The following SMCHD1 variants were observed in gnomAD, a reference collection of about 807,000 sequenced individuals.
SMCHD1 encodes the protein structural maintenance of chromosomes flexible hinge domain-containing protein 1.
A neutral mutation model predicts 254.7 loss-of-function variants in SMCHD1; 78 were observed. The observed-to-expected ratio is 0.31, with a 90% CI of 0.26 to 0.37. SMCHD1 has a LOEUF of 0.37. SMCHD1 is among the 10% of genes least tolerant of loss of function. SMCHD1 has a pLI of 1.00. For synonymous variants in SMCHD1, 766 were observed against 794.9 expected (o/e 0.96, Z 0.61); for missense variants, 1,840 against 2,408.1 (o/e 0.76, Z 4.94).
At chr18:2,723,491 A>G (rs2074967982) in intron 20 of SMCHD1, among the ~76,000 whole-genome samples, 1 of 151,970 alleles carries the variant, frequency 6.6e-6, no homozygotes, top group African/African-American at 2.4e-5. Flanking sequence ...TGTTGTCAGT[A>G]TTTTTAGGTC....
chr18:2,743,284 T>G (rs1358389601), intron 28 of SMCHD1, among the ~76,000 whole-genome samples: 1 of 152,044 alleles, frequency 6.6e-6, no homozygotes, highest in Non-Finnish European at 1.5e-5. Flanking sequence ...GAACATGCAA[T>G]AGATAAGAAA....
intron 5 of SMCHD1, among the ~76,000 whole-genome samples, chr18:2,680,604 C>T (rs1013371751): frequency 2.6e-5 from 4 of 152,162 alleles, no homozygotes; most frequent in Admixed American, 6.5e-5. Context: ...AGAGGTGAGT[C>T]ATTATTAGGA....
rs779223778 is a variant in SMCHD1 at position 2,732,489 on chromosome 18, T to C, written c.3273T>C (p.Ile1091=). ...INITSALAEK[I]KVNWTPEINK... The stretch of plus-strand genomic sequence containing the variant: ...TAACATCAGCTTTAGCAGAAAAAAT[T>C]AAAGTAAGTATCTCTAACAGATTGG... Residue 1091 remains isoleucine, a synonymous_variant, in exon 25 of 48, where the codon ATT becomes ATC. Transcript: ENST00000320876. The C allele has an allele frequency of 1.3e-6, 2 of 1,568,222 alleles. No homozygotes were observed. The highest frequency in any genetic ancestry group is 1.7e-6 in the Non-Finnish European group (2 of 1,146,262).
chr18:2,713,362 C>CT (rs1166990099), intron 17 of SMCHD1, among the ~76,000 whole-genome samples: 2 of 152,040 alleles, frequency 1.3e-5, no homozygotes, highest in African/African-American at 2.4e-5. Context: ...TAATTGCACC[C>CT]TTTTTTTAAA....
chr18:2,661,660 A>G (rs2143771052), intron 1 of SMCHD1, among the ~76,000 whole-genome samples: 1 of 152,364 alleles, frequency 6.6e-6, no homozygotes, highest in East Asian at 1.9e-4. Flanking sequence ...GTGCAGGAAA[A>G]TACAGGCAAT....
Position 2,656,212 on chromosome 18 carries a change from A to T in SMCHD1, c.137A>T (p.Gln46Leu). ...TCCGAGCTCGGGGACCGGCCTCTGC[A>T]GGTCGGGGAGCGCTCGGACTACGCG... ...KESELGDRPL[Q>L]VGERSDYAGF... The change falls in exon 1 of 48, where the codon CAG (glutamine) becomes CTG (leucine). Residue 46 changes from glutamine to leucine, a missense_variant. Coordinates refer to ENST00000320876, the MANE Select transcript of SMCHD1 (RefSeq NM_015295.3). 2 of 1,503,596 alleles carry T rather than the reference A, an allele frequency of 1.3e-6. No homozygotes were observed. The highest frequency in any genetic ancestry group is 3.5e-4 in the Middle Eastern group (2 of 5,710). 93.1% of individuals were successfully genotyped at this position (1,503,596 alleles called of 1,614,324 possible). A position where few individuals can be genotyped will look rare whatever the true frequency, so the allele number is the denominator to read the frequency against.
chr18:2,781,381 C>A (rs2076154643), intron 44 of SMCHD1, among the ~76,000 whole-genome samples: 2 of 152,168 alleles, frequency 1.3e-5, no homozygotes, highest in African/African-American at 4.8e-5. Flanking sequence ...GTTCTGAAAA[C>A]CTTCACGGTA....
rs11338546 is a variant in SMCHD1, at chr18:2,681,586, C to CAAA, written c.639-6791_639-6789dup. Among the ~76,000 whole-genome samples, 611 of 95,848 alleles carry CAAA rather than the reference C, an allele frequency of 6.4e-3. 8 individuals carry two copies. Among genetic ancestry groups the CAAA allele is most frequent in the Non-Finnish European group, 8.4e-3 (400 of 47,744 alleles). The allele number at this position is 95,848 out of a possible 152,430, so 62.9% of individuals were successfully genotyped here. On this transcript the variant is annotated intron_variant, in intron 5 of 47. Transcript: ENST00000320876. Reference sequence around the variant, plus strand: ...GGCGACTGAGTGAGATCCTATCTCTCAAAAAAAAAAAAAAAAAAAGGATAT... The same window carrying CAAA: ...GGCGACTGAGTGAGATCCTATCTCTCAAAAAAAAAAAAAAAAAAAAAAGGATAT...
intron 17 of SMCHD1, among the ~76,000 whole-genome samples, chr18:2,717,094 T>G (rs948049491): frequency 6.6e-6 from 1 of 152,140 alleles, no homozygotes; most frequent in African/African-American, 2.4e-5. Flanking sequence ...GCTGGCAGGT[T>G]TCTGTGCAGC....
intron 26 of SMCHD1, 135 bp downstream of exon 26, chr18:2,738,680 G>A (rs533341868): frequency 3.7e-6 from 3 of 812,944 alleles, no homozygotes; most frequent in Non-Finnish European, 5.2e-6. Context: ...GGAATAAAGT[G>A]TCATTGGTGA....
chr18:2,697,736 A>G lies in SMCHD1; in HGVS notation c.1132-95A>G. On this transcript the variant is annotated intron_variant, in intron 9 of 47. Transcript: ENST00000320876. The stretch of plus-strand genomic sequence containing the variant: ...GCCAGATTGTTACTTGTACAAATAA[A>G]CATAATTTTTACTTATTCTGTTGTT... 7.6e-6 allele frequency: 6 copies of G among 786,218 alleles called. 1 individual carries two copies. The South Asian group carries it at 1.0e-4, about 14-fold the overall frequency. The allele number at this position is 786,218 out of a possible 1,614,324, so 48.7% of individuals were successfully genotyped here.
Position 2,656,109 on chromosome 18 carries a change from G to A in SMCHD1, c.34G>A (p.Ala12Thr), listed in dbSNP as rs763619769. The A allele has an allele frequency of 1.4e-6, 2 of 1,436,254 alleles. No individual in the cohort carries two copies. Among genetic ancestry groups the A allele is most frequent in the Non-Finnish European group, 1.8e-6 (2 of 1,093,388 alleles). The allele number at this position is 1,436,254 out of a possible 1,614,324, so 89.0% of individuals were successfully genotyped here. A position where few individuals can be genotyped will look rare whatever the true frequency, so the allele number is the denominator to read the frequency against. The change falls in exon 1 of 48, where the codon GCC becomes ACC. Residue 12 changes from alanine (A) to threonine (T), a missense_variant. Ala to Thr is a moderately conservative substitution (Grantham distance 58). Coordinates refer to ENST00000320876, the MANE Select transcript of SMCHD1 (RefSeq NM_015295.3). ...AAADGGGPGG[A>T]SVGTEEDGGG... is the part of the protein sequence containing the mutation. ...GGCGGACGGCGGCGGGCCTGGTGGG[G>A]CCTCTGTGGGGACTGAGGAGGATGG...
intron 45 of SMCHD1, among the ~76,000 whole-genome samples, chr18:2,790,153 G>C (rs56284309): frequency 0.19 from 29,433 of 152,174 alleles, 3,085 homozygotes; most frequent in Admixed American, 0.26. Flanking sequence ...CTGCACTCCA[G>C]CCTGGGCAAC....
intron 5 of SMCHD1, among the ~76,000 whole-genome samples, chr18:2,678,231 CTT>C (rs1219566134): frequency 1.2e-5 from 1 of 82,796 alleles, no homozygotes; most frequent in South Asian, 4.4e-4. Context: ...CTTTTTCTTT[CTT>C]TCTTTCTTTC....
intron 24 of SMCHD1, among the ~76,000 whole-genome samples, chr18:2,729,734 G>T: frequency 1.4e-5 from 2 of 146,262 alleles, no homozygotes; most frequent in Non-Finnish European, 1.5e-5. Flanking sequence ...AAAGAGATAG[G>T]GTCTCACTCT....
At chr18:2,760,391 T>C (rs953200676) in intron 34 of SMCHD1, 2 of 260,644 alleles carry the variant, frequency 7.7e-6, no homozygotes, top group East Asian at 1.4e-4. Flanking sequence ...TACTGCTTTC[T>C]CAACTTCATA....
chr18:2,763,786 C>A lies in SMCHD1; in HGVS notation c.4716C>A (p.Ile1572=), dbSNP rs777545563. ...CCTTCGTGAATGGTTCGGCTGAAAT[C>A]ATGGTAAATTTTTTATATCTTTTGG... The part of the protein sequence containing the change: ...EFPFVNGSAE[I]MSLVLAESSP... Residue 1572 remains isoleucine (I), a synonymous_variant, in exon 37 of 48, where the codon ATC becomes ATA. Transcript: ENST00000320876. 2 of 1,604,370 alleles carry A rather than the reference C, an allele frequency of 1.2e-6. No homozygotes were observed. Among genetic ancestry groups the A allele is most frequent in the East Asian group, 2.2e-5 (1 of 44,570 alleles).
rs914415297 is a variant in SMCHD1, at chr18:2,739,872, C to T, written c.3514+352C>T. Among the ~76,000 whole-genome samples the T allele has an allele frequency of 4.6e-5, 7 of 151,964 alleles. No individual in the cohort carries two copies. The East Asian group carries it at 5.8e-4, about 13-fold the overall frequency. On this transcript the variant is annotated intron_variant, in intron 27 of 47. Transcript: ENST00000320876. ...GGCTGAGGCGAGGGGATTGCCTGAG[C>T]CAAGGGGTTTGAGGCCAGCCTGGAC...
chr18:2,770,986 G>A (rs1209786882), intron 39 of SMCHD1, among the ~76,000 whole-genome samples: 1 of 152,132 alleles, frequency 6.6e-6, no homozygotes, highest in Non-Finnish European at 1.5e-5. Context: ...TCTGAGTTGT[G>A]CTCTATCATC....
Sources: gnomAD v4.1 joint callset for allele counts (sites outside exome capture counted in the v4.1 genomes callset) on GRCh38, gnomAD v4.1.1 for gene constraint, MANE v1.5 for transcripts, NCBI Gene and HGNC (gene_info 2026-07-23, HGNC 2026-07-21) for gene names.